The following SCN7A variants were observed in gnomAD, a reference collection of about 807,000 sequenced individuals.
SCN7A encodes sodium channel protein type 7 subunit alpha.
A neutral mutation model predicts 155.2 loss-of-function variants in SCN7A; 138 were observed. That is an observed-to-expected ratio of 0.89 (90% confidence interval 0.77 to 1.02). SCN7A has a LOEUF of 1.02. Among genes scored for constraint, SCN7A ranks in the 50% least tolerant of loss-of-function variants. SCN7A has a pLI of 0.00. For synonymous variants in SCN7A, 693 were observed against 649.0 expected, an observed-to-expected ratio of 1.07 and a Z score of -1.03; for missense variants, 2,058 against 1,986.6, an observed-to-expected ratio of 1.04 and a Z score of -0.68.
At chr2:166,419,281 G>A (rs1701459230) in intron 20 of SCN7A, among the ~76,000 whole-genome samples, 1 of 151,430 alleles carries the variant, frequency 6.6e-6, no homozygotes, top group South Asian at 2.1e-4. Context: ...GAGTAAATAG[G>A]CCCTCTGTAG....
Position 166,432,466 on chromosome 2 carries a change from T to C in SCN7A, c.2444A>G (p.Glu815Gly), listed in dbSNP as rs376923742. ...LKDKEKSSGT[E>G]KNATENESQS... ...GCTCTCATTTTCAGTAGCGTTTTTC[T>C]CTGTGCCACTGCTTTTTTCCTTATC... The change falls in exon 16 of 26, where the codon GAG (glutamate) becomes GGG (glycine). Residue 815 changes from glutamate (E) to glycine (G), a missense_variant. By Grantham distance (98) the Glu-to-Gly change is moderately conservative (BLOSUM62 -2). Coordinates refer to ENST00000643258, the MANE Select transcript of SCN7A (RefSeq NM_002976.4). 23 of 1,613,724 alleles carry C rather than the reference T, an allele frequency of 1.4e-5. No individual in the cohort carries two copies. The highest frequency in any genetic ancestry group is 9.9e-5 in the South Asian group (9 of 91,076).
At position 166,424,460 on chromosome 2, in the gene SCN7A, G is replaced by A. The variant is rs533731022; in HGVS notation, c.2854-1028C>T. On this transcript the variant is annotated intron_variant, in intron 18 of 25. Coordinates refer to ENST00000643258, the MANE Select transcript of SCN7A (RefSeq NM_002976.4). ...CTGCTGTATCAACAAAGAGCAGATG[G>A]GCCCTAATTGTAGAAAGGAGAAGGT... Among the ~76,000 whole-genome samples, 6 of 151,794 alleles carry A rather than the reference G, an allele frequency of 4.0e-5. No homozygotes were observed. In the South Asian group the frequency reaches 1.2e-3, roughly 32 times the overall value.
Position 166,413,099 on chromosome 2 carries a change from G to T in SCN7A, c.3437C>A (p.Thr1146Asn). The T allele has an allele frequency of 6.5e-7, 1 of 1,534,816 alleles. No homozygotes were observed. Among genetic ancestry groups the T allele is most frequent in the Non-Finnish European group, 8.8e-7 (1 of 1,136,104 alleles). ...LQVATFNGWI[T>N]IMNSAIDSVA... is the part of the protein sequence containing the mutation. ...AGAATCAATTGCTGAATTCATAATA[G>T]TGATCCATCCATTAAATGTTGCCTG... The change falls in exon 22 of 26, where the codon ACT (threonine) becomes AAT (asparagine). Residue 1146 changes from threonine (T) to asparagine (N), a missense_variant. Thr to Asn is a moderately conservative substitution (Grantham distance 65). Coordinates refer to ENST00000643258, the MANE Select transcript of SCN7A (RefSeq NM_002976.4).
rs1187091831 is a variant in SCN7A at position 166,414,285 on chromosome 2, TACACACAC to T, written c.3415-1172_3415-1165del. On this transcript the variant is annotated intron_variant, in intron 21 of 25. Coordinates refer to ENST00000643258, the MANE Select transcript of SCN7A (RefSeq NM_002976.4). ...ATATACACACACATATATATATATATACACACACATATATATATATATATATACACATA... is the reference window on the plus strand; with the variant it reads ...ATATACACACACATATATATATATATATATATATATATATATATACACATA... Among the ~76,000 whole-genome samples, 281 of 26,084 alleles carry T rather than the reference TACACACAC, an allele frequency of 0.011. 10 individuals are homozygous for T. In the East Asian group the frequency reaches 0.12, roughly 11 times the overall value. 17.1% of individuals were successfully genotyped at this position (26,084 alleles called of 152,430 possible).
intron 11 of SCN7A, among the ~76,000 whole-genome samples, chr2:166,449,449 T>C (rs1702133483): frequency 6.6e-6 from 1 of 152,098 alleles, no homozygotes; most frequent in Non-Finnish European, 1.5e-5. Flanking sequence ...ATATCTTAAA[T>C]GGCATAATAG....
Position 166,409,653 on chromosome 2 carries a change from A to G in SCN7A, c.3982+12T>C. On this transcript the variant is annotated intron_variant, in intron 25 of 25. Transcript: ENST00000643258. ...TTATTATCAGTAAAAATTTGACTAA[A>G]CAAAATCTTACCTGTGATGGAGAAA... is the stretch of plus-strand genomic sequence containing the variant. The G allele has an allele frequency of 6.8e-7, 1 of 1,477,894 alleles. No homozygotes were observed. The highest frequency in any genetic ancestry group is 9.0e-7 in the Non-Finnish European group (1 of 1,116,612). 91.5% of individuals were successfully genotyped at this position (1,477,894 alleles called of 1,614,324 possible).
rs1553513525 is a variant in SCN7A at position 166,413,981 on chromosome 2, G to GTGTATATATATATATA, written c.3415-861_3415-860insTATATATATATATACA. The stretch of plus-strand genomic sequence containing the variant: ...CCCCTTTATATATATATGTGTATGT[G>GTGTATATATATATATA]TATATATATATATATATATATAAAT... On this transcript the variant is annotated intron_variant, in intron 21 of 25. Transcript: ENST00000643258. Among the ~76,000 whole-genome samples the GTGTATATATATATATA allele has an allele frequency of 2.0e-3, 108 of 53,482 alleles. 2 individuals carry two copies. The highest frequency in any genetic ancestry group is 2.5e-3 in the African/African-American group (34 of 13,578). 35.1% of individuals were successfully genotyped at this position (53,482 alleles called of 152,430 possible).
chr2:166,467,597 GA>G (rs533804604), intron 7 of SCN7A, among the ~76,000 whole-genome samples: 21 of 150,550 alleles, frequency 1.4e-4, no homozygotes, highest in Admixed American at 1.4e-3. Flanking sequence ...TTGTTTGATG[GA>G]AAAAAATGAC....
chr2:166,473,723 T>C, intron 5 of SCN7A, 76 bp downstream of exon 5: 2 of 343,628 alleles, frequency 5.8e-6, no homozygotes, highest in East Asian at 6.5e-5. Context: ...AATTCAATGT[T>C]ATTAAAATAA....
chr2:166,440,751 TA>T (rs1193844315), intron 15 of SCN7A: 2 of 152,100 alleles, frequency 1.3e-5, no homozygotes, highest in African/African-American at 4.8e-5. Flanking sequence ...TGTATTTAGT[TA>T]AATACAAATA....
rs2105513654 is a variant in SCN7A, at chr2:166,477,481, A to G, written c.216T>C (p.Tyr72=). 6.5e-7 allele frequency: 1 copy of G among 1,527,608 alleles called. No individual in the cohort carries two copies. Among genetic ancestry groups the G allele is most frequent in the East Asian group, 2.5e-5 (1 of 40,676 alleles). The allele number at this position is 1,527,608 out of a possible 1,614,324, so 94.6% of individuals were successfully genotyped here. ...VSEPLEDVDP[Y]YYKKKNTFIV... is the part of the protein sequence containing the mutation. Reference sequence around the variant, plus strand: ...TACTCACATTTTTTTTCTTGTAGTAATATGGGTCCACATCTTCCAAGGGCT... The same window carrying G: ...TACTCACATTTTTTTTCTTGTAGTAGTATGGGTCCACATCTTCCAAGGGCT... Residue 72 remains tyrosine, a synonymous_variant, in exon 3 of 26, where the codon TAT becomes TAC. Transcript: ENST00000643258.
Position 166,481,905 on chromosome 2 carries a change from A to G in SCN7A, c.-14-4195T>C, listed in dbSNP as rs1409562048. Among the ~76,000 whole-genome samples the G allele has an allele frequency of 1.9e-4, 29 of 152,170 alleles. 1 individual carries two copies. Among genetic ancestry groups the G allele is most frequent in the Admixed American group, 1.9e-3 (29 of 15,270 alleles). ...CTAGAATCAATGAGGTGAAGCCAGA[A>G]GAGATTTGGCTTGAGAAAGTAAAGA... On this transcript the variant is annotated intron_variant, in intron 2 of 25. Transcript: ENST00000643258.
chr2:166,412,307 A>C (rs1334753967), intron 23 of SCN7A, among the ~76,000 whole-genome samples: 2 of 152,116 alleles, frequency 1.3e-5, no homozygotes. Flanking sequence ...AGACACTTGT[A>C]ATGTTTAACT....
Position 166,423,297 on chromosome 2 carries a change from A to G in SCN7A, c.2989T>C (p.Ser997Pro). Residue 997 changes from serine to proline, a missense_variant, in exon 19 of 26, where the codon TCT becomes CCT. Physicochemically the swap from Ser to Pro is moderately conservative, Grantham distance 74. Coordinates refer to ENST00000643258, the MANE Select transcript of SCN7A (RefSeq NM_002976.4). ...AAGTCCAGCCTGTACCAGCCATTAG[A>G]GAAATAGGCCTTAAAACCATATGCC... The part of the protein sequence containing the change: ...WMAYGFKAYF[S>P]NGWYRLDFVV... 1 of 1,610,858 alleles carries G rather than the reference A, an allele frequency of 6.2e-7. No homozygotes were observed. Among genetic ancestry groups the G allele is most frequent in the South Asian group, 1.1e-5 (1 of 90,324 alleles).
At chr2:166,422,373 G>A (rs966803654) in intron 19 of SCN7A, among the ~76,000 whole-genome samples, 1 of 151,986 alleles carries the variant, frequency 6.6e-6, no homozygotes. Context: ...ATGAACAAAT[G>A]GTACAATATT....
At chr2:166,440,719 T>C (rs924805083) in intron 15 of SCN7A, 2 of 152,122 alleles carry the variant, frequency 1.3e-5, no homozygotes, top group African/African-American at 4.8e-5. Flanking sequence ...GGGAGACTAT[T>C]GTATTTGTAT....
chr2:166,411,156 T>A (rs1007606962), intron 23 of SCN7A, among the ~76,000 whole-genome samples: 17 of 152,086 alleles, frequency 1.1e-4, no homozygotes, highest in African/African-American at 4.1e-4. Flanking sequence ...GAAGTCTCAC[T>A]TTCCACACTA....
rs1701109063 is a variant in SCN7A, at chr2:166,407,868, C to T, written c.3983-1222G>A. Among the ~76,000 whole-genome samples, 2 of 151,930 alleles carry T rather than the reference C, an allele frequency of 1.3e-5. 1 individual carries two copies. Among genetic ancestry groups the T allele is most frequent in the South Asian group, 4.1e-4 (2 of 4,820 alleles). ...TCGACCTGTCCTCTAAGTTCCTTCC[C>T]CTCACGCCCCACCCTCCAACAAGCC... On this transcript the variant is annotated intron_variant, in intron 25 of 25. Coordinates refer to ENST00000643258, the MANE Select transcript of SCN7A (RefSeq NM_002976.4).
intron 25 of SCN7A, 41 bp downstream of exon 25, chr2:166,409,624 A>G: frequency 7.5e-7 from 1 of 1,337,008 alleles, no homozygotes; most frequent in Non-Finnish European, 1.0e-6. Context: ...TACTTGAATT[A>G]ATATTATTAT....
Sources: gnomAD v4.1 joint callset for allele counts (sites outside exome capture counted in the v4.1 genomes callset) on GRCh38, gnomAD v4.1.1 for gene constraint, MANE v1.5 for transcripts, NCBI Gene and HGNC (gene_info 2026-07-23, HGNC 2026-07-21) for gene names.